TBC1D23: variants seen among roughly 807,000 people sequenced by gnomAD.
The protein encoded by TBC1D23 is TBC1 domain family member 23.
Under a neutral mutation model 91.4 loss-of-function variants are expected in TBC1D23, and 55 were observed. The ratio of observed to expected loss-of-function variants is 0.60; its 90% CI spans 0.48 to 0.75. The LOEUF (loss-of-function observed/expected upper bound fraction) is 0.75. Among genes scored for constraint, TBC1D23 ranks in the 30% least tolerant of loss-of-function variants. The probability of loss-of-function intolerance (pLI) is 0.00; values close to 1 mark genes in which losing one functional copy is unlikely to be tolerated. For synonymous variants in TBC1D23, 289 were observed against 281.0 expected (o/e 1.03, Z -0.28); for missense variants, 725 against 836.1 (o/e 0.87, Z 1.64).
chr3:100,267,652 C>G (rs1326005389), intron 1 of TBC1D23, among the ~76,000 whole-genome samples: 2 of 152,152 alleles, frequency 1.3e-5, no homozygotes, highest in Non-Finnish European at 2.9e-5. Flanking sequence ...CATCCCTAAT[C>G]AAAAATCTGA....
intron 9 of TBC1D23, among the ~76,000 whole-genome samples, 187 bp downstream of exon 9, chr3:100,298,232 GT>G (rs1705343291): frequency 6.6e-6 from 1 of 152,156 alleles, no homozygotes; most frequent in Non-Finnish European, 1.5e-5. Context: ...CTTGTGTGGT[GT>G]TTTAATTGTC....
intron 5 of TBC1D23, among the ~76,000 whole-genome samples, chr3:100,293,020 C>G (rs1194695495): frequency 1.3e-5 from 2 of 152,164 alleles, no homozygotes; most frequent in Non-Finnish European, 2.9e-5. Context: ...CTAGGAAATG[C>G]CATTTCTGAT....
rs746434035 is a variant in TBC1D23 at position 100,290,598 on chromosome 3, G to A, written c.497G>A (p.Arg166Lys). The stretch of plus-strand genomic sequence containing the variant: ...TCTAGGGATTGTTCCCAGAAAGGGA[G>A]ACCATTTCATCTCTTCAGGTTGCTC... ...YIPRDCSQKG[R>K]PFHLFRLLIQ... Residue 166 changes from arginine to lysine, a missense_variant, in exon 5 of 19, where the codon AGA becomes AAA. Coordinates refer to ENST00000394144, the MANE Select transcript of TBC1D23 (RefSeq NM_001199198.3). 4 of 1,613,668 alleles carry A rather than the reference G, an allele frequency of 2.5e-6. No individual in the cohort carries two copies. The highest frequency in any genetic ancestry group is 2.2e-5 in the South Asian group (2 of 91,032).
intron 1 of TBC1D23, among the ~76,000 whole-genome samples, chr3:100,271,979 A>G (rs1487882796): frequency 1.3e-5 from 2 of 152,210 alleles, no homozygotes; most frequent in African/African-American, 4.8e-5. Flanking sequence ...GTGAAGCCAC[A>G]TGAAGGCTTT....
At chr3:100,271,464 G>A (rs565833059) in intron 1 of TBC1D23, among the ~76,000 whole-genome samples, 37 of 152,282 alleles carry the variant, frequency 2.4e-4, no homozygotes, top group African/African-American at 8.7e-4. Flanking sequence ...GATGGCACAT[G>A]GCTTCTGAAA....
chr3:100,308,424 C>G (rs984859583), intron 13 of TBC1D23, among the ~76,000 whole-genome samples: 5 of 151,110 alleles, frequency 3.3e-5, no homozygotes, highest in African/African-American at 7.3e-5. Flanking sequence ...GCAGTGAGCC[C>G]ACATCCCGCC....
chr3:100,287,449 A>T (rs952368022), intron 4 of TBC1D23, among the ~76,000 whole-genome samples: 3 of 152,224 alleles, frequency 2.0e-5, no homozygotes, highest in African/African-American at 7.2e-5. Flanking sequence ...ACTCTCAGAG[A>T]TGCCCCACTT....
intron 5 of TBC1D23, among the ~76,000 whole-genome samples, 160 bp from the exon 6 acceptor site, chr3:100,294,927 A>G (rs1384505539): frequency 2.6e-5 from 4 of 152,200 alleles, no homozygotes; most frequent in African/African-American, 9.6e-5. Context: ...TTGAATTCAC[A>G]TGTTTTGCCT....
intron 4 of TBC1D23, 102 bp from the exon 5 acceptor site, chr3:100,290,476 C>A: frequency 4.0e-6 from 4 of 1,000,936 alleles, no homozygotes; most frequent in Non-Finnish European, 6.0e-6. Context: ...GTCAGGTAGG[C>A]TTCCAGTGAA....
Position 100,285,043 on chromosome 3 carries a change from T to C in TBC1D23, c.476+1232T>C, listed in dbSNP as rs896708997. Among the ~76,000 whole-genome samples the C allele has an allele frequency of 4.6e-5, 7 of 152,234 alleles. No homozygotes were observed. In the East Asian group the frequency reaches 1.3e-3, roughly 29 times the overall value. On this transcript the variant is annotated intron_variant, in intron 4 of 18. Coordinates refer to ENST00000394144, the MANE Select transcript of TBC1D23 (RefSeq NM_001199198.3). ...AAGTGATACCACACTGTATGAGGTA[T>C]AAGTGTTTTGTATGGTTCTCTACCC...
At chr3:100,273,677 G>A (rs1434977769) in intron 1 of TBC1D23, among the ~76,000 whole-genome samples, 1 of 152,154 alleles carries the variant, frequency 6.6e-6, no homozygotes, top group Admixed American at 6.5e-5. Flanking sequence ...CAGACACATA[G>A]ACCAGTGGAA....
intron 8 of TBC1D23, among the ~76,000 whole-genome samples, chr3:100,296,974 T>TA (rs759201098): frequency 6.6e-6 from 1 of 152,124 alleles, no homozygotes; most frequent in Non-Finnish European, 1.5e-5. Flanking sequence ...TGAGCTGTCT[T>TA]ATAAAGAAAG....
At chr3:100,295,254 G>T (rs145943017) in intron 6 of TBC1D23, 43 bp downstream of exon 6, 8 of 1,600,206 alleles carry the variant, frequency 5.0e-6, no homozygotes, top group Admixed American at 1.8e-5. Context: ...CTTTTCTCAG[G>T]GTGCTCTGTT....
rs762311672 is a variant in TBC1D23 at position 100,299,188 on chromosome 3, A to G, written c.1000-51A>G. Reference sequence around the variant, plus strand: ...TTAACTGTGAATATTATGTTGTGCAATGTGAACCTCATGGGAAATTCCTGT... The same window carrying G: ...TTAACTGTGAATATTATGTTGTGCAGTGTGAACCTCATGGGAAATTCCTGT... On this transcript the variant is annotated intron_variant, in intron 9 of 18. Coordinates refer to ENST00000394144, the MANE Select transcript of TBC1D23 (RefSeq NM_001199198.3). 26 of 1,205,444 alleles carry G rather than the reference A, an allele frequency of 2.2e-5. No homozygotes were observed. In the Middle Eastern group the frequency reaches 9.6e-4, roughly 44 times the overall value. 74.7% of individuals were successfully genotyped at this position (1,205,444 alleles called of 1,614,324 possible). A position where few individuals can be genotyped will look rare whatever the true frequency, so the allele number is the denominator to read the frequency against.
At chr3:100,315,983 TG>T (rs992665133) in intron 15 of TBC1D23, 115 bp from the exon 16 acceptor site, 2 of 781,514 alleles carry the variant, frequency 2.6e-6, no homozygotes. Flanking sequence ...CATGGGGTTT[TG>T]GGGGGGTCAG....
At chr3:100,262,054 A>G (rs2067515529) in intron 1 of TBC1D23, among the ~76,000 whole-genome samples, 1 of 152,220 alleles carries the variant, frequency 6.6e-6, no homozygotes, top group Admixed American at 6.5e-5. Context: ...AAATCGTTGA[A>G]AGGGATAGAT....
chr3:100,282,283 G>C (rs958221020), intron 3 of TBC1D23, among the ~76,000 whole-genome samples: 11 of 152,212 alleles, frequency 7.2e-5, no homozygotes, highest in Non-Finnish European at 1.3e-4. Flanking sequence ...CTGCACTCCA[G>C]CCTGGGCACA....
chr3:100,311,961 T>C, intron 15 of TBC1D23, 84 bp downstream of exon 15: 1 of 907,800 alleles, frequency 1.1e-6, no homozygotes, highest in Non-Finnish European at 1.7e-6. Context: ...CATGCTGTCT[T>C]GGCTCAAATT....
chr3:100,321,508 G>A (rs1009918482), intron 18 of TBC1D23, among the ~76,000 whole-genome samples: 1 of 152,054 alleles, frequency 6.6e-6, no homozygotes, highest in Non-Finnish European at 1.5e-5. Context: ...AGCCCAGAGG[G>A]GTGGAATGAC....
Sources: allele counts gnomAD v4.1 joint callset (sites outside exome capture counted in the v4.1 genomes callset), GRCh38; gene constraint gnomAD v4.1.1; transcripts MANE v1.5; gene names NCBI Gene and HGNC (gene_info 2026-07-23, HGNC 2026-07-21).